KLRB1: variants seen among roughly 807,000 people sequenced by gnomAD.
The protein encoded by KLRB1 is killer cell lectin like receptor B1.
KLRB1 carries 27 observed loss-of-function variants against 33.5 expected under a neutral mutation model. The ratio of observed to expected loss-of-function variants is 0.81; its 90% CI spans 0.59 to 1.11. The LOEUF (loss-of-function observed/expected upper bound fraction) is 1.11. Ranked by LOEUF, KLRB1 falls within the 50% of genes most tolerant of loss-of-function variation. The pLI is 0.00. For missense variants in KLRB1, 241 were observed against 254.1 expected (o/e 0.95, Z 0.35); for synonymous variants, 64 against 88.9 (o/e 0.72, Z 1.58).
intron 1 of KLRB1, among the ~76,000 whole-genome samples, chr12:9,607,348 C>CT (rs1555097788): frequency 3.9e-5 from 2 of 50,668 alleles, no homozygotes; most frequent in African/African-American, 1.2e-4. Context: ...TTCTTTCTTT[C>CT]TTTCTTCCTT....
At chr12:9,602,553 C>G (rs750701954) in intron 1 of KLRB1, among the ~76,000 whole-genome samples, 1 of 152,092 alleles carries the variant, frequency 6.6e-6, no homozygotes, top group East Asian at 1.9e-4. Flanking sequence ...CTAAATAGCT[C>G]CCCTATCTCT....
intron 1 of KLRB1, among the ~76,000 whole-genome samples, chr12:9,605,777 C>A (rs1864593113): frequency 1.3e-5 from 2 of 152,178 alleles, no homozygotes; most frequent in African/African-American, 4.8e-5. Flanking sequence ...TCTATAGTCA[C>A]ATATTTTGCT....
intron 1 of KLRB1, among the ~76,000 whole-genome samples, chr12:9,603,625 C>T (rs1236226360): frequency 2.7e-5 from 4 of 146,452 alleles, no homozygotes; most frequent in East Asian, 4.0e-4. Context: ...TTAGTAGAGA[C>T]GGGTTTCTCC....
chr12:9,598,530 CT>C lies in KLRB1; in HGVS notation c.382del (p.Ser128AlafsTer11). On this transcript the variant is annotated frameshift_variant, in exon 4 of 6. Coordinates refer to ENST00000229402, the MANE Select transcript of KLRB1 (RefSeq NM_002258.3). LOFTEE classifies it high-confidence loss of function. ...SLADCSTKESSLLLIRDKDEL... is the reference protein window; with the variant it reads ...SLADCSTKESXLLLIRDKDEL... ...ATCCTTATCTCGAATAAGCAGCAGG[CT>C]GGATTCTTTGGTGGAACAATCAGCT... The C allele has an allele frequency of 6.2e-7, 1 of 1,612,288 alleles. No individual in the cohort carries two copies. The highest frequency in any genetic ancestry group is 8.5e-7 in the Non-Finnish European group (1 of 1,179,158).
At chr12:9,601,412 T>G (rs28535874) in intron 2 of KLRB1, 89 bp downstream of exon 2, 2 of 907,970 alleles carry the variant, frequency 2.2e-6, no homozygotes, top group Non-Finnish European at 3.6e-6. Context: ...CACAGGTGTG[T>G]AGGGGCAACC....
chr12:9,607,343 T>TCTTTCTTCCTTCCTTC (rs1555097777), intron 1 of KLRB1, among the ~76,000 whole-genome samples: 17 of 68,118 alleles, frequency 2.5e-4, no homozygotes, highest in African/African-American at 7.6e-4. Context: ...TTCCTTTCTT[T>TCTTTCTTCCTTCCTTC]CTTTCTTTCT....
At chr12:9,595,498 G>A in intron 5 of KLRB1, 77 bp from the exon 6 acceptor site, 2 of 1,309,704 alleles carry the variant, frequency 1.5e-6, no homozygotes, top group Non-Finnish European at 2.2e-6. Context: ...TTATTTCCTA[G>A]GACTCTCAGG....
chr12:9,597,864 G>C (rs940171565), intron 5 of KLRB1, among the ~76,000 whole-genome samples, 182 bp downstream of exon 5: 3 of 152,066 alleles, frequency 2.0e-5, no homozygotes, highest in African/African-American at 7.2e-5. Context: ...ATAAAGAGCT[G>C]ATATCTTTTC....
intron 1 of KLRB1, among the ~76,000 whole-genome samples, chr12:9,607,364 CTTTCTTTCTT>C (rs1864627227): frequency 1.5e-5 from 1 of 66,494 alleles, no homozygotes; most frequent in Non-Finnish European, 3.3e-5. Context: ...TCCTTTCTTT[CTTTCTTTCTT>C]TCTTTCTTTC....
chr12:9,601,714 A>G (rs1192910145), intron 1 of KLRB1, 115 bp from the exon 2 acceptor site: 16 of 672,410 alleles, frequency 2.4e-5, no homozygotes, highest in Non-Finnish European at 1.9e-5. Context: ...CATAGGGACA[A>G]TTAGATTCAG....
chr12:9,607,615 G>A (rs1051600009), intron 1 of KLRB1, 140 bp downstream of exon 1: 20 of 595,902 alleles, frequency 3.4e-5, no homozygotes, highest in Non-Finnish European at 5.7e-5. Flanking sequence ...TTATCTACAG[G>A]CAAGCCATGC....
Position 9,607,846 on chromosome 12 carries a change from C to T in KLRB1, c.-7G>A, listed in dbSNP as rs761996100. ...ATATTGCTTGTTGGTCCATGGCAGACAGAGGAAGGTGGCATTAAACTTGTG... is the reference window on the plus strand; with the variant it reads ...ATATTGCTTGTTGGTCCATGGCAGATAGAGGAAGGTGGCATTAAACTTGTG... On this transcript the variant is annotated 5_prime_UTR_variant, in exon 1 of 6. Transcript: ENST00000229402. The T allele has an allele frequency of 1.2e-6, 2 of 1,603,258 alleles. No individual in the cohort carries two copies. The highest frequency in any genetic ancestry group is 2.7e-5 in the African/African-American group (2 of 74,660).
At chr12:9,604,891 A>G (rs952773712) in intron 1 of KLRB1, among the ~76,000 whole-genome samples, 2 of 151,968 alleles carry the variant, frequency 1.3e-5, no homozygotes, top group South Asian at 2.1e-4. Context: ...CACAATGTGC[A>G]GGTTTGTTAC....
chr12:9,601,145 C>T (rs902796713), intron 2 of KLRB1, among the ~76,000 whole-genome samples: 2 of 144,840 alleles, frequency 1.4e-5, no homozygotes, highest in East Asian at 2.0e-4. Flanking sequence ...TAATCCTTTA[C>T]ATTGTCTATG....
chr12:9,607,334 T>TCCTTCCTTCCTGCCTG (rs1491124203), intron 1 of KLRB1, among the ~76,000 whole-genome samples: 4 of 26,144 alleles, frequency 1.5e-4, no homozygotes, highest in Admixed American at 4.6e-4. Context: ...TCTCTTTCTT[T>TCCTTCCTTCCTGCCTG]CCTTTCTTTC....
intron 1 of KLRB1, among the ~76,000 whole-genome samples, chr12:9,607,010 A>T (rs1864613276): frequency 6.6e-6 from 1 of 151,714 alleles, no homozygotes. Context: ...ACCTTAGCCT[A>T]CCAAAGTGTT....
chr12:9,598,791 T>C, intron 3 of KLRB1, 138 bp from the exon 4 acceptor site: 1 of 562,164 alleles, frequency 1.8e-6, no homozygotes, highest in East Asian at 3.0e-5. Flanking sequence ...ATGAATTTGT[T>C]ATAAAGTTGA....
intron 5 of KLRB1, among the ~76,000 whole-genome samples, chr12:9,597,220 T>C (rs1864499197): frequency 1.3e-5 from 2 of 152,320 alleles, no homozygotes; most frequent in South Asian, 4.1e-4. Context: ...TAAATGTAAA[T>C]TCTGCCAATT....
At chr12:9,598,370 G>T (rs748322151) in intron 4 of KLRB1, 129 bp downstream of exon 4, 3 of 793,116 alleles carry the variant, frequency 3.8e-6, no homozygotes, top group Admixed American at 2.5e-5. Context: ...ACATATCCAT[G>T]TAGTCATTCA....
Sources: gnomAD v4.1 joint callset for allele counts (sites outside exome capture counted in the v4.1 genomes callset) on GRCh38, gnomAD v4.1.1 for gene constraint, MANE v1.5 for transcripts, NCBI Gene and HGNC (gene_info 2026-07-23, HGNC 2026-07-21) for gene names.